The following DST variants were observed in gnomAD, a reference collection of about 807,000 sequenced individuals.
DST encodes the protein bullous pemphigoid antigen.
Under a neutral mutation model 875.2 loss-of-function variants are expected in DST, and 253 were observed. The observed-to-expected ratio is 0.29, with a 90% confidence interval of 0.26 to 0.32. The LOEUF (loss-of-function observed/expected upper bound fraction) is 0.32. Ranked by LOEUF, DST falls within the 10% of genes least tolerant of loss-of-function variation. The pLI is 1.00. For synonymous variants in DST, 3,124 were observed against 3,197.1 expected (o/e 0.98, Z 0.77); for missense variants, 8,287 against 9,111.6 (o/e 0.91, Z 3.68).
At chr6:56,482,293 AT>A in intron 89 of DST, 115 bp from the exon 90 acceptor site, 1 of 1,215,126 alleles carries the variant, frequency 8.2e-7, no homozygotes. Flanking sequence ...AAAGTTTTAA[AT>A]TTAATTGCTT....
chr6:56,573,273 T>C (rs1365063929), intron 51 of DST, among the ~76,000 whole-genome samples: 1 of 152,122 alleles, frequency 6.6e-6, no homozygotes, highest in East Asian at 1.9e-4. Context: ...GCTGGCTAGT[T>C]GGTCGAAAGA....
At chr6:56,511,742 G>A (rs1562473406) in intron 72 of DST, among the ~76,000 whole-genome samples, 1 of 152,052 alleles carries the variant, frequency 6.6e-6, no homozygotes, top group Non-Finnish European at 1.5e-5. Context: ...TTCTGAACTC[G>A]CTATGTCCCC....
At chr6:56,463,526 T>C (rs1329058603) in intron 101 of DST, 39 bp downstream of exon 101, 3 of 1,504,796 alleles carry the variant, frequency 2.0e-6, no homozygotes, top group East Asian at 2.3e-5. Flanking sequence ...GGGACATTGA[T>C]TGCAAAGGTG....
At chr6:56,615,273 G>T in intron 36 of DST, 6 of 1,269,624 alleles carry the variant, frequency 4.7e-6, no homozygotes, top group Non-Finnish European at 4.0e-6. Context: ...AAACATTTTA[G>T]TGTGGCCAAG....
rs759366565 is a variant in DST at position 56,607,005 on chromosome 6, A to G, written c.7623T>C (p.Phe2541=). 6.2e-7 allele frequency: 1 copy of G among 1,613,508 alleles called. No homozygotes were observed. The highest frequency in any genetic ancestry group is 1.1e-5 in the South Asian group (1 of 91,074). Residue 2541 remains phenylalanine, a synonymous_variant, in exon 40 of 104, where the codon TTT becomes TTC. Transcript: ENST00000680361. Reference sequence around the variant, plus strand: ...CTTCCTTGTCTTCAGGCATCTGCTGAAAACCTGGATGTGTTTTTTCATCCT... The same window carrying G: ...CTTCCTTGTCTTCAGGCATCTGCTGGAAACCTGGATGTGTTTTTTCATCCT... ...SGEDEKTHPG[F]QQMPEDKEDE...
rs768377759 is a variant in DST at position 56,497,902 on chromosome 6, T to C, written c.20048A>G (p.Glu6683Gly). 1.9e-6 allele frequency: 3 copies of C among 1,613,160 alleles called. No homozygotes were observed. The highest frequency in any genetic ancestry group is 1.7e-6 in the Non-Finnish European group (2 of 1,179,470). Residue 6683 changes from glutamate to glycine, a missense_variant, in exon 81 of 104, where the codon GAA becomes GGA. Glu to Gly is a moderately conservative substitution (Grantham distance 98, BLOSUM62 -2). Transcript: ENST00000680361. ...CTGCTGCTTCCTTTGTTCTGTTTTT[T>C]CCAAAACATTTTGCCAGCGTTGATT... ...VLNQRWQNVL[E>G]KTEQRKQQLD...
intron 50 of DST, among the ~76,000 whole-genome samples, chr6:56,575,503 G>A (rs1388368132): frequency 6.6e-6 from 1 of 152,104 alleles, no homozygotes; most frequent in Non-Finnish European, 1.5e-5. Context: ...GACCTGTTCA[G>A]CCATAATAAG....
At chr6:56,610,392 T>C in intron 39 of DST, 35 bp downstream of exon 39, 1 of 1,493,724 alleles carries the variant, frequency 6.7e-7, no homozygotes, top group Non-Finnish European at 8.9e-7. Flanking sequence ...ACTAAGCTTC[T>C]TGAAACAGCC....
At chr6:56,813,956 GA>G (rs897445922) in intron 4 of DST, among the ~76,000 whole-genome samples, 8 of 151,404 alleles carry the variant, frequency 5.3e-5, no homozygotes, top group Non-Finnish European at 1.2e-4. Context: ...TAAGCATGAG[GA>G]AAAAAAAGTT....
chr6:56,481,145 G>A (rs1349429362), intron 90 of DST, among the ~76,000 whole-genome samples: 1 of 152,174 alleles, frequency 6.6e-6, no homozygotes, highest in African/African-American at 2.4e-5. Context: ...ATCTTTGATA[G>A]AGGGTGTTAA....
At chr6:56,953,105 A>C (rs1326027115) in intron 2 of DST, among the ~76,000 whole-genome samples, 5 of 152,198 alleles carry the variant, frequency 3.3e-5, no homozygotes, top group Non-Finnish European at 7.3e-5. Context: ...TCCTAAAAAG[A>C]GGGGAAATTA....
At chr6:56,923,797 T>C (rs1019312579) in intron 2 of DST, among the ~76,000 whole-genome samples, 2 of 152,118 alleles carry the variant, frequency 1.3e-5, no homozygotes, top group African/African-American at 4.8e-5. Context: ...TCTACTCAAA[T>C]CCACCAGTTT....
chr6:56,796,697 T>C, intron 4 of DST, among the ~76,000 whole-genome samples: 1 of 151,874 alleles, frequency 6.6e-6, no homozygotes, highest in East Asian at 1.9e-4. Flanking sequence ...TTTTAAACTA[T>C]CTACATAAAC....
intron 4 of DST, among the ~76,000 whole-genome samples, chr6:56,850,604 A>C (rs2127576284): frequency 6.6e-6 from 1 of 152,314 alleles, no homozygotes; most frequent in East Asian, 1.9e-4. Flanking sequence ...AAAGAAAAAA[A>C]AAATATTGAG....
intron 4 of DST, among the ~76,000 whole-genome samples, chr6:56,845,635 G>A (rs2099806422): frequency 6.6e-6 from 1 of 152,190 alleles, no homozygotes; most frequent in Admixed American, 6.5e-5. Flanking sequence ...AAAAGGGTTA[G>A]CAATTAAGTC....
At chr6:56,719,224 G>T (rs2099405696) in intron 5 of DST, among the ~76,000 whole-genome samples, 1 of 152,172 alleles carries the variant, frequency 6.6e-6, no homozygotes, top group East Asian at 1.9e-4. Flanking sequence ...ATATGGGTCA[G>T]TACATACAAC....
Position 56,900,427 on chromosome 6 carries a change from C to T in DST, c.411G>A (p.Arg137=). The part of the protein sequence containing the change: ...FYHSVQGASI[R]RPSSGNASYR... ...AAGACAGTTCTCTACTTACAGGCCT[C>T]CTGATTGAAGCACCTTGAACAGAGT... The change falls in exon 3 of 104, where the codon AGG becomes AGA. Residue 137 remains arginine, a synonymous_variant. Coordinates refer to ENST00000680361, the MANE Select transcript of DST (RefSeq NM_001374736.1). 5 of 1,367,500 alleles carry T rather than the reference C, an allele frequency of 3.7e-6. No homozygotes were observed. The highest frequency in any genetic ancestry group is 4.9e-6 in the Non-Finnish European group (5 of 1,021,780). The allele number at this position is 1,367,500 out of a possible 1,614,324, so 84.7% of individuals were successfully genotyped here. A position where few individuals can be genotyped will look rare whatever the true frequency, so the allele number is the denominator to read the frequency against.
chr6:56,511,280 C>A lies in DST; in HGVS notation c.18697G>T (p.Ala6233Ser). The change falls in exon 73 of 104, where the codon GCC becomes TCC. Residue 6233 changes from alanine (A) to serine (S), a missense_variant. Around this residue, in one of 10 missense-constraint regions of DST, gnomAD observed 1,292 missense variants for 1,552.7 expected, o/e 0.83. Coordinates refer to ENST00000680361, the MANE Select transcript of DST (RefSeq NM_001374736.1). ...GFSIQEKYVA[A>S]DTLYSQIKED... ...TTAATTTGACTGTAAAGGGTGTCGG[C>A]TGCCACATACTTCTCTTGGATAGAA... 1 of 1,602,600 alleles carries A rather than the reference C, an allele frequency of 6.2e-7. No individual in the cohort carries two copies.
chr6:56,676,020 C>T (rs1358102206), intron 9 of DST, among the ~76,000 whole-genome samples: 1 of 152,170 alleles, frequency 6.6e-6, no homozygotes, highest in Non-Finnish European at 1.5e-5. Context: ...TATCACCTCA[C>T]ACCTGTTAGA....
Sources: gnomAD v4.1 joint callset for allele counts (sites outside exome capture counted in the v4.1 genomes callset) on GRCh38, gnomAD v4.1.1 for gene constraint, gnomAD v4.1.1 regional missense constraint, MANE v1.5 for transcripts, NCBI Gene and HGNC (gene_info 2026-07-23, HGNC 2026-07-21) for gene names.